The following CACNA2D1 variants were observed in gnomAD, a reference collection of about 807,000 sequenced individuals.
The protein encoded by CACNA2D1 is voltage-dependent calcium channel subunit alpha-2/delta-1.
Under a neutral mutation model 171.5 loss-of-function variants are expected in CACNA2D1, and 53 were observed. That is an observed-to-expected ratio of 0.31 (90% CI 0.25 to 0.39). CACNA2D1 has a LOEUF of 0.39. Among genes scored for constraint, CACNA2D1 ranks in the 10% least tolerant of loss-of-function variants. CACNA2D1 has a pLI of 1.00. For missense variants in CACNA2D1, 903 were observed against 1,299.8 expected (o/e 0.69, Z 4.69); for synonymous variants, 442 against 443.1 (o/e 1.00, Z 0.03).
chr7:82,258,002 A>G (rs1441669216), intron 3 of CACNA2D1, among the ~76,000 whole-genome samples: 5 of 152,184 alleles, frequency 3.3e-5, no homozygotes, highest in African/African-American at 1.2e-4. Context: ...GGGAGACCCC[A>G]GTGTTGGAAG....
intron 1 of CACNA2D1, among the ~76,000 whole-genome samples, chr7:82,435,268 A>G (rs1458283876): frequency 6.6e-6 from 1 of 151,860 alleles, no homozygotes; most frequent in Non-Finnish European, 1.5e-5. Flanking sequence ...ATCTCTCCTG[A>G]CCTCATGATC....
intron 11 of CACNA2D1, among the ~76,000 whole-genome samples, chr7:82,034,161 T>C (rs1803032194): frequency 6.6e-6 from 1 of 152,112 alleles, no homozygotes; most frequent in African/African-American, 2.4e-5. Context: ...TTACACAACA[T>C]ATCATTTCAG....
intron 1 of CACNA2D1, among the ~76,000 whole-genome samples, chr7:82,386,771 T>G (rs968928865): frequency 8.9e-5 from 13 of 146,742 alleles, no homozygotes; most frequent in African/African-American, 2.9e-4. Context: ...AATAAATAAA[T>G]AAATAAATAA....
intron 3 of CACNA2D1, among the ~76,000 whole-genome samples, chr7:82,322,665 A>G (rs900788223): frequency 6.6e-6 from 1 of 152,142 alleles, no homozygotes; most frequent in Non-Finnish European, 1.5e-5. Flanking sequence ...GATCCATGAT[A>G]CTTTAATTAA....
intron 3 of CACNA2D1, among the ~76,000 whole-genome samples, chr7:82,261,523 G>T (rs1434323865): frequency 6.6e-6 from 1 of 152,144 alleles, no homozygotes; most frequent in Non-Finnish European, 1.5e-5. Context: ...ACGAGAAGGC[G>T]TGTTGTCTTT....
At chr7:82,436,457 T>C (rs1830125209) in intron 1 of CACNA2D1, among the ~76,000 whole-genome samples, 1 of 152,164 alleles carries the variant, frequency 6.6e-6, no homozygotes, top group African/African-American at 2.4e-5. Flanking sequence ...AACTAAGAAT[T>C]TTTAAGTACT....
intron 11 of CACNA2D1, among the ~76,000 whole-genome samples, chr7:82,034,442 G>C (rs963668384): frequency 2.0e-5 from 3 of 151,966 alleles, no homozygotes; most frequent in African/African-American, 7.2e-5. Flanking sequence ...TCAGCCATTA[G>C]AACATTGGCA....
intron 36 of CACNA2D1, among the ~76,000 whole-genome samples, chr7:81,960,032 A>T (rs1158565742): frequency 6.6e-6 from 1 of 152,082 alleles, no homozygotes; most frequent in African/African-American, 2.4e-5. Context: ...TCAAATGAAT[A>T]AAAAAATTGC....
At chr7:82,204,364 G>A (rs543786158) in intron 3 of CACNA2D1, among the ~76,000 whole-genome samples, 3 of 152,182 alleles carry the variant, frequency 2.0e-5, no homozygotes, top group Non-Finnish European at 4.4e-5. Flanking sequence ...CCCATATGCG[G>A]CCAGGCCATG....
chr7:82,345,168 C>T (rs762938190), intron 2 of CACNA2D1, among the ~76,000 whole-genome samples: 4 of 152,010 alleles, frequency 2.6e-5, no homozygotes, highest in Admixed American at 6.6e-5. Flanking sequence ...AAAGAGTAAG[C>T]ATTAGTCTGA....
At chr7:82,217,394 CATATAT>C (rs6150191) in intron 3 of CACNA2D1, among the ~76,000 whole-genome samples, 6,289 of 102,484 alleles carry the variant, frequency 0.061, 473 homozygotes, top group African/African-American at 0.098. Flanking sequence ...CACACACATA[CATATAT>C]ATATATATAT....
chr7:82,400,554 T>A (rs1826272116), intron 1 of CACNA2D1, among the ~76,000 whole-genome samples: 1 of 151,554 alleles, frequency 6.6e-6, no homozygotes, highest in Non-Finnish European at 1.5e-5. Context: ...AAAAATCAAT[T>A]CAAGATGGAT....
intron 10 of CACNA2D1, among the ~76,000 whole-genome samples, chr7:82,046,859 G>A (rs746924066): frequency 6.6e-6 from 1 of 152,078 alleles, no homozygotes; most frequent in Non-Finnish European, 1.5e-5. Flanking sequence ...AAATCATGAT[G>A]TAACCTATAT....
intron 7 of CACNA2D1, 133 bp from the exon 8 acceptor site, chr7:82,066,657 TATC>T: frequency 7.5e-7 from 1 of 1,338,660 alleles, no homozygotes; most frequent in Non-Finnish European, 1.0e-6. Context: ...AAATGAGAGA[TATC>T]ATTTTTAAGC....
chr7:82,096,380 G>A (rs1811863492), intron 6 of CACNA2D1, among the ~76,000 whole-genome samples: 1 of 152,026 alleles, frequency 6.6e-6, no homozygotes, highest in African/African-American at 2.4e-5. Flanking sequence ...ACACTTTACT[G>A]GAAGAGAAAC....
chr7:81,961,806 T>G, intron 36 of CACNA2D1, 88 bp downstream of exon 36: 1 of 118,566 alleles, frequency 8.4e-6, no homozygotes, highest in Non-Finnish European at 1.2e-5. Flanking sequence ...CTGTAATGAT[T>G]ATAACAGTAT....
chr7:82,424,405 C>T (rs10275781), intron 1 of CACNA2D1, among the ~76,000 whole-genome samples: 3,867 of 152,240 alleles, frequency 0.025, 176 homozygotes, highest in African/African-American at 0.086. Flanking sequence ...AATCTACTCA[C>T]TGAAATGAAG....
At chr7:82,118,884 A>G (rs1789390034) in intron 5 of CACNA2D1, among the ~76,000 whole-genome samples, 1 of 152,090 alleles carries the variant, frequency 6.6e-6, no homozygotes, top group South Asian at 2.1e-4. Flanking sequence ...TCTAGTTTAT[A>G]TAAATTAAAA....
At chr7:82,373,018 C>T (rs1168533347) in intron 1 of CACNA2D1, among the ~76,000 whole-genome samples, 3 of 152,128 alleles carry the variant, frequency 2.0e-5, no homozygotes, top group Non-Finnish European at 4.4e-5. Flanking sequence ...AACCCCATCT[C>T]TACTAAAAAT....
Sources: gnomAD v4.1 joint callset for allele counts (sites outside exome capture counted in the v4.1 genomes callset) on GRCh38, gnomAD v4.1.1 for gene constraint, MANE v1.5 for transcripts, NCBI Gene and HGNC (gene_info 2026-07-23, HGNC 2026-07-21) for gene names.